The following SLC24A2 variants were observed in gnomAD, a reference collection of about 807,000 sequenced individuals.
SLC24A2 encodes the protein solute carrier family 24 member 2, also known as sodium/potassium/calcium exchanger 2.
A neutral mutation model predicts 62.0 loss-of-function variants in SLC24A2; 36 were observed. That is an observed-to-expected ratio of 0.58 (90% confidence interval 0.44 to 0.77). The LOEUF is 0.77. Ranked by LOEUF, SLC24A2 falls within the 30% of genes least tolerant of loss-of-function variation. The pLI, the probability that SLC24A2 is intolerant of heterozygous loss-of-function variation, is 0.00. For synonymous variants in SLC24A2, 358 were observed against 294.0 expected (o/e 1.22, Z -2.23); for missense variants, 846 against 817.9 (o/e 1.03, Z -0.42).
chr9:20,088,905 G>A, the SLC24A2 span, among the ~76,000 whole-genome samples: 14 of 152,148 alleles, frequency 9.2e-5, no homozygotes, highest in Non-Finnish European at 1.6e-4. Flanking sequence ...GATACCTTCA[G>A]GTACTGGAAA....
At chr9:19,838,676 C>T in the SLC24A2 span, among the ~76,000 whole-genome samples, 1 of 151,148 alleles carries the variant, frequency 6.6e-6, no homozygotes, top group African/African-American at 2.4e-5. Flanking sequence ...TTGTTATTTT[C>T]AGTGTACAAG....
the SLC24A2 span, among the ~76,000 whole-genome samples, chr9:20,207,736 C>A: frequency 6.6e-6 from 1 of 152,192 alleles, no homozygotes; most frequent in African/African-American, 2.4e-5. Flanking sequence ...CATTCAACTT[C>A]ATTCACTTTC....
chr9:19,961,089 GAGAAGAAAGGAGAGAGAGAC>G, the SLC24A2 span, among the ~76,000 whole-genome samples: 6 of 149,302 alleles, frequency 4.0e-5, no homozygotes, highest in East Asian at 2.0e-4. Context: ...AAAGGAGAAA[GAGAAGAAAGGAGAGAGAGAC>G]AGAAGAAAGG....
At chr9:19,732,733 C>A (rs910055923) in intron 2 of SLC24A2, among the ~76,000 whole-genome samples, 1 of 152,144 alleles carries the variant, frequency 6.6e-6, no homozygotes, top group Non-Finnish European at 1.5e-5. Flanking sequence ...CCCAGGCCTG[C>A]CTGTCTCAGG....
Position 19,550,187 on chromosome 9 carries a change from A to T in SLC24A2, c.1429T>A (p.Phe477Ile). Residue 477 changes from phenylalanine to isoleucine, a missense_variant, in exon 8 of 11, where the codon TTC becomes ATC. Phe to Ile is a conservative substitution (Grantham distance 21). Transcript: ENST00000341998. ...TRKQVTFLIV[F>I]PIVFPLWITL... is the part of the protein sequence containing the mutation. ...ATCCAGAGAGGAAACACTATGGGGA[A>T]AACAATCAGAAACGTGACTTGCTTG... 6.2e-7 allele frequency: 1 copy of T among 1,614,180 alleles called. No individual in the cohort carries two copies. The highest frequency in any genetic ancestry group is 8.5e-7 in the Non-Finnish European group (1 of 1,179,996).
the SLC24A2 span, among the ~76,000 whole-genome samples, chr9:20,004,305 T>G: frequency 1.1e-3 from 174 of 152,274 alleles, no homozygotes; most frequent in Non-Finnish European, 8.5e-4. Flanking sequence ...ACATTTTTGT[T>G]GACCGGTGTT....
intron 8 of SLC24A2, among the ~76,000 whole-genome samples, chr9:19,534,122 G>A (rs1025425550): frequency 2.2e-4 from 33 of 152,170 alleles, no homozygotes; most frequent in African/African-American, 7.7e-4. Flanking sequence ...TCGGTCCAGA[G>A]TTGAGAAGTG....
chr9:19,745,529 A>T (rs2118785980), intron 2 of SLC24A2, among the ~76,000 whole-genome samples: 1 of 152,246 alleles, frequency 6.6e-6, no homozygotes, highest in Admixed American at 6.5e-5. Flanking sequence ...CTGGGGGTAG[A>T]TTCAGCAATC....
the SLC24A2 span, among the ~76,000 whole-genome samples, chr9:19,811,397 A>T: frequency 6.6e-6 from 1 of 152,244 alleles, no homozygotes; most frequent in Non-Finnish European, 1.5e-5. Flanking sequence ...TACATTACTG[A>T]ACTTAAATTT....
the SLC24A2 span, among the ~76,000 whole-genome samples, chr9:20,051,226 A>G: frequency 6.6e-6 from 1 of 152,198 alleles, no homozygotes; most frequent in African/African-American, 2.4e-5. Context: ...AACAATATTA[A>G]TATCAAGCAA....
At chr9:19,785,104 T>C (rs1025463150) in intron 2 of SLC24A2, among the ~76,000 whole-genome samples, 2 of 152,206 alleles carry the variant, frequency 1.3e-5, no homozygotes, top group Non-Finnish European at 2.9e-5. Flanking sequence ...TCCATTACAA[T>C]ACCACATACG....
At chr9:20,228,073 C>G in the SLC24A2 span, among the ~76,000 whole-genome samples, 1 of 152,120 alleles carries the variant, frequency 6.6e-6, no homozygotes, top group African/African-American at 2.4e-5. Flanking sequence ...AAATCCTCAC[C>G]CCTTATAACA....
chr9:20,005,475 A>C, the SLC24A2 span, among the ~76,000 whole-genome samples: 2 of 152,286 alleles, frequency 1.3e-5, no homozygotes, highest in East Asian at 3.9e-4. Context: ...CATTTTACAG[A>C]TGAGGAAATA....
At chr9:20,269,291 G>C in the SLC24A2 span, among the ~76,000 whole-genome samples, 1 of 152,052 alleles carries the variant, frequency 6.6e-6, no homozygotes, top group Non-Finnish European at 1.5e-5. Flanking sequence ...CTGTTGTATA[G>C]GTAAGAAAAG....
the SLC24A2 span, among the ~76,000 whole-genome samples, chr9:19,919,890 A>G: frequency 6.6e-6 from 1 of 152,158 alleles, no homozygotes; most frequent in African/African-American, 2.4e-5. Context: ...CTGCCGTGAC[A>G]TGCTGGGATT....
At chr9:19,770,760 G>C (rs1281038103) in intron 2 of SLC24A2, among the ~76,000 whole-genome samples, 1 of 152,166 alleles carries the variant, frequency 6.6e-6, no homozygotes. Context: ...GAGTCAGTAA[G>C]ATCCTCAGAA....
the SLC24A2 span, among the ~76,000 whole-genome samples, chr9:20,137,874 T>C: frequency 2.0e-5 from 3 of 152,158 alleles, no homozygotes; most frequent in African/African-American, 4.8e-5. Context: ...TCTCACTCAA[T>C]ATTGATGATA....
At chr9:19,919,920 A>G in the SLC24A2 span, among the ~76,000 whole-genome samples, 1 of 152,096 alleles carries the variant, frequency 6.6e-6, no homozygotes, top group African/African-American at 2.4e-5. Context: ...ACAATTCAAG[A>G]TGAGATGTGG....
the SLC24A2 span, among the ~76,000 whole-genome samples, chr9:20,009,482 T>C: frequency 6.6e-6 from 1 of 150,766 alleles, no homozygotes; most frequent in Non-Finnish European, 1.5e-5. Context: ...AATGGAGCAA[T>C]GGAGGTGCCA....
Sources: allele counts gnomAD v4.1 joint callset (sites outside exome capture counted in the v4.1 genomes callset), GRCh38; gene constraint gnomAD v4.1.1; transcripts MANE v1.5; gene names NCBI Gene and HGNC (gene_info 2026-07-23, HGNC 2026-07-21).